COL6A5: variants seen among roughly 807,000 people sequenced by gnomAD.
COL6A5 encodes the protein collagen alpha-5(VI) chain.
Under a neutral mutation model 65.6 loss-of-function variants are expected in COL6A5, and 48 were observed. The ratio of observed to expected loss-of-function variants is 0.73; its 90% CI spans 0.58 to 0.93. COL6A5 has a LOEUF of 0.93. Ranked by LOEUF, COL6A5 falls within the 40% of genes least tolerant of loss-of-function variation. The probability of loss-of-function intolerance (pLI) is 0.00; values close to 1 mark genes in which losing one functional copy is unlikely to be tolerated. For missense variants in COL6A5, 914 were observed against 928.3 expected (o/e 0.98, Z 0.20); for synonymous variants, 291 against 322.8 (o/e 0.90, Z 1.05).
chr3:130,455,845 T>C (rs529507213), intron 5 of COL6A5, among the ~76,000 whole-genome samples, 179 bp downstream of exon 37: 1 of 152,190 alleles, frequency 6.6e-6, no homozygotes, highest in South Asian at 2.1e-4. Context: ...TGACAGGCAC[T>C]GCTAGGGAGA....
chr3:130,414,652 T>C (rs1559889539), intron 22 of COL6A5, among the ~76,000 whole-genome samples: 1 of 152,120 alleles, frequency 6.6e-6, no homozygotes, highest in Non-Finnish European at 1.5e-5. Context: ...ATCATTGTCT[T>C]ACTTCCCTCT....
intron 3 of COL6A5, among the ~76,000 whole-genome samples, chr3:130,442,955 A>G (rs1196357171): frequency 2.6e-5 from 4 of 152,184 alleles, no homozygotes; most frequent in Non-Finnish European, 5.9e-5. Context: ...TCCAAAATTT[A>G]TAGAACAACA....
intron 7 of COL6A5, 41 bp downstream of exon 7, chr3:130,391,795 A>G (rs772577626): frequency 1.3e-5 from 18 of 1,434,992 alleles, no homozygotes; most frequent in African/African-American, 8.6e-5. Flanking sequence ...GGTAGCAATA[A>G]AAGTTTAAAC....
chr3:130,432,097 C>T, intron 1 of COL6A5, 148 bp downstream of exon 33: 1 of 797,754 alleles, frequency 1.3e-6, no homozygotes, highest in Non-Finnish European at 1.9e-6. Flanking sequence ...TTGTCAATGT[C>T]TGTGAAATCC....
chr3:130,470,237 T>G (rs968194269), intron 6 of COL6A5, among the ~76,000 whole-genome samples: 2 of 152,018 alleles, frequency 1.3e-5, no homozygotes, highest in Non-Finnish European at 2.9e-5. Flanking sequence ...TAGCAGCACA[T>G]CCAAAACCTT....
intron 3 of COL6A5, among the ~76,000 whole-genome samples, chr3:130,377,826 A>G (rs1472699116): frequency 6.6e-6 from 1 of 152,228 alleles, no homozygotes; most frequent in Non-Finnish European, 1.5e-5. Context: ...TATTATTAAT[A>G]GTAACAACCA....
At chr3:130,422,264 A>G (rs1168053784) in intron 27 of COL6A5, among the ~76,000 whole-genome samples, 3 of 152,070 alleles carry the variant, frequency 2.0e-5, no homozygotes, top group East Asian at 3.9e-4. Flanking sequence ...GAAAATTAGC[A>G]TAATTCAACT....
intron 5 of COL6A5, among the ~76,000 whole-genome samples, chr3:130,462,396 A>C (rs1559916362): frequency 6.6e-6 from 1 of 152,136 alleles, no homozygotes; most frequent in Non-Finnish European, 1.5e-5. Context: ...TGTAAGCTAG[A>C]CCAGCTGACT....
upstream of COL6A5, among the ~76,000 whole-genome samples, chr3:130,427,985 G>A (rs554831624): frequency 1.3e-5 from 2 of 152,152 alleles, no homozygotes; most frequent in East Asian, 1.9e-4. Flanking sequence ...AAATGAATGT[G>A]GGATCAACTT....
intron 5 of COL6A5, among the ~76,000 whole-genome samples, chr3:130,388,003 A>G (rs1263010684): frequency 6.6e-6 from 1 of 151,990 alleles, no homozygotes; most frequent in Non-Finnish European, 1.5e-5. Flanking sequence ...AATATTATGT[A>G]TAAAGGAACA....
chr3:130,440,183 G>A (rs758742336), exon 3 of COL6A5: 1 of 1,611,208 alleles, frequency 6.2e-7, no homozygotes, highest in Non-Finnish European at 8.5e-7. Context: ...TTTTCCAAAT[G>A]CTTGCATTCG....
intron 1 of COL6A5, among the ~76,000 whole-genome samples, chr3:130,359,338 C>T (rs1935027998): frequency 6.6e-6 from 1 of 152,030 alleles, no homozygotes; most frequent in Non-Finnish European, 1.5e-5. Context: ...TGTTGGAGCA[C>T]AGCCATGCAG....
At chr3:130,431,558 T>C (rs1293387867) in exon 1 of COL6A5, 1 of 1,551,530 alleles carries the variant, frequency 6.4e-7, no homozygotes. Flanking sequence ...CGGGACATCA[T>C]CACTTCCATT....
chr3:130,360,707 G>A (rs1478015518), intron 1 of COL6A5, among the ~76,000 whole-genome samples: 2 of 152,054 alleles, frequency 1.3e-5, no homozygotes, highest in Non-Finnish European at 2.9e-5. Flanking sequence ...TTTATTGCTA[G>A]TCCAGACTAC....
At chr3:130,459,409 C>A (rs1246502059) in intron 5 of COL6A5, among the ~76,000 whole-genome samples, 2 of 152,048 alleles carry the variant, frequency 1.3e-5, no homozygotes, top group African/African-American at 4.8e-5. Flanking sequence ...TTAGTGATGA[C>A]CTGGTAAAAA....
intron 4 of COL6A5, among the ~76,000 whole-genome samples, chr3:130,454,188 C>G (rs1709511446): frequency 6.6e-6 from 1 of 152,080 alleles, no homozygotes; most frequent in Non-Finnish European, 1.5e-5. Context: ...ATTTTCAACA[C>G]TAACTTAATG....
At chr3:130,476,927 C>T (rs1356916689) in intron 7 of COL6A5, 1 of 707,384 alleles carries the variant, frequency 1.4e-6, no homozygotes, top group Admixed American at 2.0e-5. Flanking sequence ...GCCAGCCCTG[C>T]TCCCTGAAGC....
At chr3:130,379,938 G>C in exon 4 of COL6A5, 1 of 1,551,322 alleles carries the variant, frequency 6.4e-7, no homozygotes, top group Non-Finnish European at 8.7e-7. Context: ...TTTCCACGCT[G>C]AAGTCCTATG....
At chr3:130,397,675 C>T in exon 9 of COL6A5, 1 of 1,551,750 alleles carries the variant, frequency 6.4e-7, no homozygotes, top group Non-Finnish European at 8.7e-7. Flanking sequence ...GGAATCCTAC[C>T]TCCCAGGCAT....
Sources: gnomAD v4.1 joint callset for allele counts (sites outside exome capture counted in the v4.1 genomes callset) on GRCh38, gnomAD v4.1.1 for gene constraint, MANE v1.5 for transcripts, NCBI Gene and HGNC (gene_info 2026-07-23, HGNC 2026-07-21) for gene names.